The following FRMD4A variants were observed in gnomAD, a reference collection of about 807,000 sequenced individuals.
The protein encoded by FRMD4A is FERM domain-containing protein 4A.
In FRMD4A, 29 loss-of-function variants were observed where a neutral mutation model predicts 129.1. The ratio of observed to expected loss-of-function variants is 0.22; its 90% CI spans 0.17 to 0.31. FRMD4A has a LOEUF of 0.31. Ranked by LOEUF, FRMD4A falls within the 10% of genes least tolerant of loss-of-function variation. The pLI is 1.00. For synonymous variants in FRMD4A, 634 were observed against 571.6 expected, an observed-to-expected ratio of 1.11 and a Z score of -1.56; for missense variants, 1,272 against 1,375.8, an observed-to-expected ratio of 0.92 and a Z score of 1.19.
At chr10:14,232,322 G>C (rs1843665181) in intron 2 of FRMD4A, among the ~76,000 whole-genome samples, 1 of 152,066 alleles carries the variant, frequency 6.6e-6, no homozygotes, top group Non-Finnish European at 1.5e-5. Flanking sequence ...CTGCTGTTTT[G>C]GTAACTGTAG....
At chr10:13,977,162 C>T (rs1015394542) in intron 2 of FRMD4A, among the ~76,000 whole-genome samples, 5 of 152,172 alleles carry the variant, frequency 3.3e-5, no homozygotes, top group Non-Finnish European at 5.9e-5. Context: ...AAATGCCCAT[C>T]GGTCGTATTT....
At chr10:13,981,738 CAA>C (rs55829400) in intron 2 of FRMD4A, among the ~76,000 whole-genome samples, 2 of 97,660 alleles carry the variant, frequency 2.0e-5, no homozygotes, top group African/African-American at 3.1e-5. Context: ...GACTCCGTGT[CAA>C]AAAAAAAAAA....
chr10:14,215,167 T>C (rs970330244), intron 2 of FRMD4A, among the ~76,000 whole-genome samples: 2 of 152,152 alleles, frequency 1.3e-5, no homozygotes, highest in Non-Finnish European at 2.9e-5. Context: ...AAAAAGCAAT[T>C]GTCTTAACGA....
chr10:14,304,191 T>G (rs1397336762), intron 2 of FRMD4A, among the ~76,000 whole-genome samples: 1 of 152,204 alleles, frequency 6.6e-6, no homozygotes, highest in African/African-American at 2.4e-5. Context: ...TATTTTTAAA[T>G]TTTTGAGGAA....
chr10:13,912,684 T>A (rs1047395852), intron 2 of FRMD4A, among the ~76,000 whole-genome samples: 3 of 151,968 alleles, frequency 2.0e-5, no homozygotes, highest in Admixed American at 1.3e-4. Context: ...GCCACCACCA[T>A]GCCCGGCTAA....
intron 3 of FRMD4A, among the ~76,000 whole-genome samples, chr10:13,835,449 G>A (rs941384528): frequency 5.9e-5 from 9 of 152,110 alleles, no homozygotes; most frequent in African/African-American, 1.2e-4. Flanking sequence ...TACAGGAACC[G>A]GGCTCCACAG....
At chr10:13,870,052 G>A (rs1337553027) in intron 2 of FRMD4A, among the ~76,000 whole-genome samples, 2 of 152,168 alleles carry the variant, frequency 1.3e-5, no homozygotes, top group East Asian at 3.9e-4. Context: ...AGGGAATAGA[G>A]CCTAATCCTT....
In FRMD4A at chr10:13,656,737, G is replaced by A. The variant is rs2082183501; in HGVS notation, c.2852C>T (p.Thr951Ile). 6.3e-7 allele frequency: 1 copy of A among 1,597,430 alleles called. No individual in the cohort carries two copies. The highest frequency in any genetic ancestry group is 1.4e-5 in the African/African-American group (1 of 73,460). The change falls in exon 22 of 25, where the codon ACC becomes ATC. Residue 951 changes from threonine (T) to isoleucine (I), a missense_variant. Transcript: ENST00000357447. ...GTACTGCGAGCCGCTGTCCGAGGAG[G>A]TGGAGCTGGTGTGCGACAGGCGGCT... is the stretch of plus-strand genomic sequence containing the variant. ...EHSRLSHTSS[T>I]SSDSGSQYST...
intron 2 of FRMD4A, among the ~76,000 whole-genome samples, chr10:14,114,624 A>G (rs1181366025): frequency 6.6e-6 from 1 of 152,230 alleles, no homozygotes; most frequent in Non-Finnish European, 1.5e-5. Flanking sequence ...GACTCAATGC[A>G]GAGATGGCGG....
intron 2 of FRMD4A, among the ~76,000 whole-genome samples, chr10:14,161,139 A>G (rs1284106166): frequency 1.3e-5 from 2 of 152,154 alleles, no homozygotes; most frequent in African/African-American, 2.4e-5. Context: ...TAGTTTTAGC[A>G]GAGACAGGGT....
At chr10:13,705,569 T>G (rs2087343176) in intron 13 of FRMD4A, among the ~76,000 whole-genome samples, 2 of 152,132 alleles carry the variant, frequency 1.3e-5, no homozygotes, top group South Asian at 4.1e-4. Flanking sequence ...TGTACTTAAA[T>G]TTCCCCTCTC....
At chr10:13,898,099 G>A (rs554451975) in intron 2 of FRMD4A, among the ~76,000 whole-genome samples, 53 of 149,696 alleles carry the variant, frequency 3.5e-4, no homozygotes, top group African/African-American at 1.2e-3. Context: ...GAGGCTGGGT[G>A]CGGTGGCTCA....
At chr10:14,049,513 A>G (rs1290848425) in intron 2 of FRMD4A, among the ~76,000 whole-genome samples, 1 of 152,234 alleles carries the variant, frequency 6.6e-6, no homozygotes, top group Non-Finnish European at 1.5e-5. Context: ...GTCCTTCCAT[A>G]GCTGCATAAT....
chr10:14,094,419 G>A (rs1348945936), intron 2 of FRMD4A, among the ~76,000 whole-genome samples: 2 of 152,208 alleles, frequency 1.3e-5, no homozygotes, highest in African/African-American at 2.4e-5. Context: ...GTAATGATGT[G>A]CCGCTATCCT....
intron 2 of FRMD4A, among the ~76,000 whole-genome samples, chr10:13,866,510 C>T (rs1247171744): frequency 3.3e-5 from 5 of 152,168 alleles, no homozygotes; most frequent in Admixed American, 6.6e-5. Context: ...AGTGAAGACT[C>T]AAAGTCCAAT....
intron 2 of FRMD4A, among the ~76,000 whole-genome samples, chr10:14,037,406 C>T (rs78942965): frequency 2.8e-4 from 42 of 152,022 alleles, no homozygotes; most frequent in Middle Eastern, 3.4e-3. Flanking sequence ...TTAGTAGAGA[C>T]GGGGGTTTGC....
intron 2 of FRMD4A, among the ~76,000 whole-genome samples, chr10:14,164,127 T>C (rs567772733): frequency 1.3e-5 from 2 of 152,352 alleles, no homozygotes; most frequent in South Asian, 2.1e-4. Context: ...AAACCAACCA[T>C]GGCTTTGAAA....
intron 12 of FRMD4A, among the ~76,000 whole-genome samples, chr10:13,715,393 T>C (rs2088680032): frequency 6.6e-6 from 1 of 152,184 alleles, no homozygotes; most frequent in African/African-American, 2.4e-5. Flanking sequence ...TTCCTACCGA[T>C]GGGAGACAAT....
intron 2 of FRMD4A, among the ~76,000 whole-genome samples, chr10:14,027,633 A>C (rs1833044436): frequency 6.6e-6 from 1 of 152,214 alleles, no homozygotes; most frequent in Non-Finnish European, 1.5e-5. Flanking sequence ...AAACAAAAAC[A>C]AAAACAAAAC....
Sources: gnomAD v4.1 joint callset for allele counts (sites outside exome capture counted in the v4.1 genomes callset) on GRCh38, gnomAD v4.1.1 for gene constraint, MANE v1.5 for transcripts, NCBI Gene and HGNC (gene_info 2026-07-23, HGNC 2026-07-21) for gene names.